The following COL26A1 variants were observed in gnomAD, a reference collection of about 807,000 sequenced individuals.
COL26A1 encodes the protein collagen alpha-1(XXVI) chain.
In COL26A1, 41 loss-of-function variants were observed where a neutral mutation model predicts 59.3. The ratio of observed to expected loss-of-function variants is 0.69; its 90% CI spans 0.54 to 0.90. The LOEUF (loss-of-function observed/expected upper bound fraction) is 0.90, where lower values mean the gene tolerates loss of function less well. COL26A1 is among the 40% of genes least tolerant of loss of function. COL26A1 has a pLI of 0.00. For synonymous variants in COL26A1, 266 were observed against 256.0 expected (o/e 1.04, Z -0.37); for missense variants, 612 against 602.3 (o/e 1.02, Z -0.17).
intron 6 of COL26A1, among the ~76,000 whole-genome samples, chr7:101,544,881 G>A: frequency 6.6e-6 from 1 of 152,150 alleles, no homozygotes; most frequent in South Asian, 2.1e-4. Context: ...CATCGAGGCT[G>A]TCAGGGGCCA....
intron 1 of COL26A1, among the ~76,000 whole-genome samples, chr7:101,383,536 T>TG (rs1791496095): frequency 1.3e-5 from 2 of 151,124 alleles, no homozygotes; most frequent in Admixed American, 6.6e-5. Flanking sequence ...CTGGCTAATT[T>TG]TTTTTTTCTT....
At chr7:101,474,591 CAAAAAAT>C (rs1183620397) in intron 3 of COL26A1, among the ~76,000 whole-genome samples, 1 of 151,924 alleles carries the variant, frequency 6.6e-6, no homozygotes, top group African/African-American at 2.4e-5. Flanking sequence ...GACCCTGTCT[CAAAAAAT>C]AAATGAATAA....
At chr7:101,437,396 G>A (rs183491191) in intron 2 of COL26A1, among the ~76,000 whole-genome samples, 1 of 151,078 alleles carries the variant, frequency 6.6e-6, no homozygotes, top group Admixed American at 6.6e-5. Flanking sequence ...CCGAATGGGG[G>A]GCGGAGTTCC....
chr7:101,456,668 AAT>A (rs1342910134), intron 3 of COL26A1, among the ~76,000 whole-genome samples: 3,207 of 138,168 alleles, frequency 0.023, 105 homozygotes, highest in African/African-American at 0.079. Context: ...CATCTCAAAA[AAT>A]TATATATATA....
In COL26A1 at chr7:101,456,403, G is replaced by A. The variant is rs186382129; in HGVS notation, c.385+8616G>A. ...AAAAAAAAAAATTCTGTCTGGGCGC[G>A]GTGTCTCACGCCTGTAATCCCAGCA... On this transcript the variant is annotated intron_variant, in intron 3 of 12. Transcript: ENST00000313669. Among the ~76,000 whole-genome samples, 313 of 151,826 alleles carry A rather than the reference G, an allele frequency of 2.1e-3. 2 individuals are homozygous for A. Among genetic ancestry groups the A allele is most frequent in the African/African-American group, 7.1e-3 (295 of 41,460 alleles).
rs1449796761 is a variant in COL26A1 at position 101,551,110 on chromosome 7, C to G, written c.996C>G (p.Gly332=). ...ACGCTTCCTTTGGTTTTCTGCAGGG[C>G]CTGGCTGGAGAGCGAGGCACAGTGG... ...PGPPGTPGSQ[G]LAGERGTVGP... Residue 332 remains glycine (G), a splice_region_variant and synonymous_variant, in exon 10 of 13, where the codon GGC becomes GGG. Coordinates refer to ENST00000313669, the MANE Select transcript of COL26A1 (RefSeq NM_001278563.3). 7.1e-6 allele frequency: 11 copies of G among 1,557,262 alleles called. No individual in the cohort carries two copies. Among genetic ancestry groups the G allele is most frequent in the Non-Finnish European group, 9.6e-6 (11 of 1,150,390 alleles).
chr7:101,454,571 C>T (rs956558499), intron 3 of COL26A1, among the ~76,000 whole-genome samples: 2 of 151,994 alleles, frequency 1.3e-5, no homozygotes, highest in African/African-American at 4.8e-5. Context: ...GTGTCCTTTT[C>T]AAGGTCTGTT....
rs1859636 is a variant in COL26A1 at position 101,397,539 on chromosome 7, C to A, written c.159-22438C>A. Among the ~76,000 whole-genome samples, 427 of 125,916 alleles carry A rather than the reference C, an allele frequency of 3.4e-3. 1 individual carries two copies. Among genetic ancestry groups the A allele is most frequent in the African/African-American group, 0.01 (410 of 39,610 alleles). 82.6% of individuals were successfully genotyped at this position (125,916 alleles called of 152,430 possible). A position where few individuals can be genotyped will look rare whatever the true frequency, so the allele number is the denominator to read the frequency against. ...TTCCCTTCCTTCTCTCCTCCCCCCC[C>A]CTCCTTTTTTTTTTTGAGACAGGGT... On this transcript the variant is annotated intron_variant, in intron 1 of 12. Coordinates refer to ENST00000313669, the MANE Select transcript of COL26A1 (RefSeq NM_001278563.3).
chr7:101,490,133 T>G (rs1346954249), intron 3 of COL26A1, among the ~76,000 whole-genome samples: 1 of 151,558 alleles, frequency 6.6e-6, no homozygotes, highest in African/African-American at 2.4e-5. Flanking sequence ...AGATGGGGTT[T>G]CACCATATTG....
chr7:101,466,251 G>A (rs541936563), intron 3 of COL26A1, among the ~76,000 whole-genome samples: 23 of 152,192 alleles, frequency 1.5e-4, no homozygotes, highest in African/African-American at 4.3e-4. Context: ...TGAGCACAGC[G>A]ATACCTGTCT....
intron 4 of COL26A1, among the ~76,000 whole-genome samples, chr7:101,537,560 G>C (rs757295686): frequency 6.6e-6 from 1 of 152,196 alleles, no homozygotes; most frequent in Non-Finnish European, 1.5e-5. Context: ...GGAGGGCTGA[G>C]ACGCTGGCAG....
At chr7:101,373,311 C>A (rs1201588736) in intron 1 of COL26A1, among the ~76,000 whole-genome samples, 1 of 152,190 alleles carries the variant, frequency 6.6e-6, no homozygotes, top group Non-Finnish European at 1.5e-5. Context: ...CTGGGGGACA[C>A]CAAGGAGCCT....
At chr7:101,405,523 T>C (rs1336894987) in intron 1 of COL26A1, among the ~76,000 whole-genome samples, 1 of 151,878 alleles carries the variant, frequency 6.6e-6, no homozygotes, top group Non-Finnish European at 1.5e-5. Flanking sequence ...ATGCTGATCC[T>C]CCCTGAATGC....
In COL26A1 at chr7:101,475,888, CTTTCTTTCTCTCTCTT is replaced by C. The variant is rs1563000208; in HGVS notation, c.385+28103_385+28118del. ...TCTCTCTTTCTTTCTCTTTCTCTCTCTTTCTTTCTCTCTCTTTCTCTCTCTCTCTCTTTCTTTCTCT... is the reference window on the plus strand; with the variant it reads ...TCTCTCTTTCTTTCTCTTTCTCTCTCTCTCTCTCTCTCTCTTTCTTTCTCT... On this transcript the variant is annotated intron_variant, in intron 3 of 12. Transcript: ENST00000313669. Among the ~76,000 whole-genome samples, 575 of 140,346 alleles carry C rather than the reference CTTTCTTTCTCTCTCTT, an allele frequency of 4.1e-3. 3 individuals carry two copies. Among genetic ancestry groups the C allele is most frequent in the Non-Finnish European group, 6.1e-3 (388 of 63,638 alleles). The allele number at this position is 140,346 out of a possible 152,430, so 92.1% of individuals were successfully genotyped here. A position where few individuals can be genotyped will look rare whatever the true frequency, so the allele number is the denominator to read the frequency against.
intron 1 of COL26A1, among the ~76,000 whole-genome samples, chr7:101,371,088 C>T (rs1456309672): frequency 6.6e-6 from 1 of 152,202 alleles, no homozygotes; most frequent in Admixed American, 6.5e-5. Flanking sequence ...TGCCCACCAC[C>T]CACCACTGCC....
At chr7:101,439,245 G>A (rs992368232) in intron 2 of COL26A1, among the ~76,000 whole-genome samples, 1 of 151,952 alleles carries the variant, frequency 6.6e-6, no homozygotes, top group East Asian at 1.9e-4. Flanking sequence ...GATTGATAGT[G>A]ATATGTACCT....
rs919775635 is a variant in COL26A1, at chr7:101,480,756, G to C, written c.385+32969G>C. On this transcript the variant is annotated intron_variant, in intron 3 of 12. Coordinates refer to ENST00000313669, the MANE Select transcript of COL26A1 (RefSeq NM_001278563.3). ...GGGCTCAAGCGATCCTCCCGCCTTG[G>C]CCTCCCAAAGTGCTGGGATTACAGG... is the stretch of plus-strand genomic sequence containing the variant. Among the ~76,000 whole-genome samples the C allele has an allele frequency of 4.6e-5, 7 of 152,144 alleles. No individual in the cohort carries two copies. In the East Asian group the frequency reaches 1.3e-3, roughly 29 times the overall value.
intron 3 of COL26A1, among the ~76,000 whole-genome samples, chr7:101,451,962 G>A (rs1793351616): frequency 1.3e-5 from 2 of 151,996 alleles, no homozygotes; most frequent in Non-Finnish European, 1.5e-5. Context: ...ACCCATCGGC[G>A]TCCCAAAGTG....
At chr7:101,475,801 CTTCCTTCTTTCT>C (rs1430621071) in intron 3 of COL26A1, among the ~76,000 whole-genome samples, 50 of 128,516 alleles carry the variant, frequency 3.9e-4, no homozygotes, top group African/African-American at 1.3e-3. Context: ...TCCTTCCTTC[CTTCCTTCTTTCT>C]TTCTTTCTCT....
Sources: gnomAD v4.1 joint callset for allele counts (sites outside exome capture counted in the v4.1 genomes callset) on GRCh38, gnomAD v4.1.1 for gene constraint, MANE v1.5 for transcripts, NCBI Gene and HGNC (gene_info 2026-07-23, HGNC 2026-07-21) for gene names.